The following WWC2 variants were observed in gnomAD, a reference collection of about 807,000 sequenced individuals.
WWC2 encodes protein WWC2.
Under a neutral mutation model 138.5 loss-of-function variants are expected in WWC2, and 101 were observed. The observed-to-expected ratio is 0.73, with a 90% CI of 0.62 to 0.86. The LOEUF is 0.86. Ranked by LOEUF, WWC2 falls within the 40% of genes least tolerant of loss-of-function variation. The pLI is 0.00. For missense variants in WWC2, 1,420 were observed against 1,419.4 expected (o/e 1.00, Z -0.01); for synonymous variants, 558 against 538.4 (o/e 1.04, Z -0.50).
intron 21 of WWC2, among the ~76,000 whole-genome samples, chr4:183,307,593 G>T (rs763686627): frequency 6.6e-5 from 10 of 152,156 alleles, no homozygotes; most frequent in Non-Finnish European, 1.3e-4. Flanking sequence ...TATATACCAT[G>T]ACCAAGGGAG....
Position 183,265,126 on chromosome 4 carries a change from C to T in WWC2, c.2039+19C>T, listed in dbSNP as rs768905136. ...TGAAACAGTAAGGATTCAGCAGGGG[C>T]GCTTTTAGCTCCAGCGAATCTCCAT... On this transcript the variant is annotated intron_variant, in intron 12 of 22. Transcript: ENST00000403733. 3.0e-5 allele frequency: 47 copies of T among 1,588,276 alleles called. No homozygotes were observed. Among genetic ancestry groups the T allele is most frequent in the East Asian group, 1.6e-4 (7 of 44,414 alleles).
intron 1 of WWC2, among the ~76,000 whole-genome samples, chr4:183,184,736 T>G (rs2111191519): frequency 6.6e-6 from 1 of 152,314 alleles, no homozygotes; most frequent in East Asian, 1.9e-4. Flanking sequence ...TAATAACTAA[T>G]GATGTTGAGT....
intron 9 of WWC2, among the ~76,000 whole-genome samples, chr4:183,256,265 T>A (rs1737136685): frequency 6.6e-6 from 1 of 152,226 alleles, no homozygotes; most frequent in Non-Finnish European, 1.5e-5. Flanking sequence ...TTGATCAGCT[T>A]AAAGCTTTCT....
At chr4:183,262,635 T>C (rs1402341851) in intron 11 of WWC2, among the ~76,000 whole-genome samples, 3 of 152,162 alleles carry the variant, frequency 2.0e-5, no homozygotes, top group Non-Finnish European at 4.4e-5. Flanking sequence ...CCTGGGGAGA[T>C]GTCAAAGCTA....
intron 1 of WWC2, among the ~76,000 whole-genome samples, chr4:183,185,890 AGT>A (rs1734781370): frequency 1.3e-5 from 2 of 151,976 alleles, no homozygotes; most frequent in South Asian, 4.2e-4. Flanking sequence ...ACATTCAGTA[AGT>A]GTTTTATATT....
chr4:183,240,560 T>C (rs78198202), intron 5 of WWC2: 2,775 of 222,528 alleles, frequency 0.012, 86 homozygotes, highest in African/African-American at 0.06. Flanking sequence ...TCCTCTGAGA[T>C]TGTGGTACAG....
chr4:183,223,659 G>A, intron 4 of WWC2, among the ~76,000 whole-genome samples: 1 of 152,022 alleles, frequency 6.6e-6, no homozygotes. Context: ...GTGTAAATAT[G>A]GTCTATATAT....
chr4:183,227,371 C>G (rs116054616), intron 4 of WWC2, among the ~76,000 whole-genome samples: 2,100 of 152,108 alleles, frequency 0.014, 19 homozygotes, highest in Non-Finnish European at 0.021. Context: ...AATACACCTT[C>G]AACTAGTGCT....
chr4:183,294,145 A>G (rs184791724), intron 21 of WWC2, among the ~76,000 whole-genome samples: 4 of 152,286 alleles, frequency 2.6e-5, no homozygotes, highest in East Asian at 1.9e-4. Flanking sequence ...TTGCATTCCA[A>G]TAAAACTTTA....
chr4:183,111,475 C>G (rs1199685274), intron 1 of WWC2, among the ~76,000 whole-genome samples: 1 of 152,084 alleles, frequency 6.6e-6, no homozygotes, highest in Non-Finnish European at 1.5e-5. Flanking sequence ...AATAGAGATA[C>G]ATTAGAATTC....
chr4:183,269,164 G>A lies in WWC2; in HGVS notation c.2400+1G>A. ...TAAACACCGAAGGGAAGAATGCCTG[G>A]TAGGATTCTTCATAATTCCCATTAC... On this transcript the variant is annotated splice_donor_variant, in intron 15 of 22. Transcript: ENST00000403733. LOFTEE classifies it high-confidence loss of function. 1.9e-6 allele frequency: 3 copies of A among 1,604,298 alleles called. No individual in the cohort carries two copies. The highest frequency in any genetic ancestry group is 2.5e-6 in the Non-Finnish European group (3 of 1,176,914).
At chr4:183,289,779 G>A in intron 21 of WWC2, 144 bp downstream of exon 21, 1 of 1,204,702 alleles carries the variant, frequency 8.3e-7, no homozygotes, top group Non-Finnish European at 1.1e-6. Flanking sequence ...TTTTCCCACT[G>A]TTATAGGCCC....
chr4:183,303,181 T>C (rs1738914524), intron 21 of WWC2, among the ~76,000 whole-genome samples: 1 of 152,200 alleles, frequency 6.6e-6, no homozygotes, highest in African/African-American at 2.4e-5. Context: ...AATGGATATG[T>C]ATTATATAAT....
At chr4:183,311,026 T>C (rs890943874) in intron 21 of WWC2, among the ~76,000 whole-genome samples, 10 of 152,156 alleles carry the variant, frequency 6.6e-5, no homozygotes, top group African/African-American at 2.4e-4. Flanking sequence ...CTTGCCCAGA[T>C]TTACATCGCT....
chr4:183,183,244 GT>G (rs1445929372), intron 1 of WWC2, among the ~76,000 whole-genome samples: 3 of 152,122 alleles, frequency 2.0e-5, no homozygotes, highest in Non-Finnish European at 4.4e-5. Flanking sequence ...ATAGGTAAAC[GT>G]GTGCCATGAT....
chr4:183,264,516 G>C (rs1410033968), intron 11 of WWC2, among the ~76,000 whole-genome samples: 3 of 152,178 alleles, frequency 2.0e-5, no homozygotes, highest in African/African-American at 7.2e-5. Flanking sequence ...TAGAATAGTA[G>C]CACAGGAGAT....
chr4:183,140,526 G>A (rs1000313257), intron 1 of WWC2, among the ~76,000 whole-genome samples: 1 of 152,168 alleles, frequency 6.6e-6, no homozygotes, highest in Admixed American at 6.5e-5. Flanking sequence ...AAGCAGATTT[G>A]CCCTTGTGTT....
chr4:183,301,487 T>TG (rs1360599221), intron 21 of WWC2, among the ~76,000 whole-genome samples: 2 of 152,180 alleles, frequency 1.3e-5, no homozygotes, highest in East Asian at 3.8e-4. Context: ...CACTGTGTGA[T>TG]GAAAAAAAAT....
intron 16 of WWC2, among the ~76,000 whole-genome samples, chr4:183,277,548 A>T (rs1482126213): frequency 6.7e-6 from 1 of 148,482 alleles, no homozygotes; most frequent in African/African-American, 2.5e-5. Flanking sequence ...TCCCTGAGGA[A>T]TCACCACACT....
Sources: gnomAD v4.1 joint callset for allele counts (sites outside exome capture counted in the v4.1 genomes callset) on GRCh38, gnomAD v4.1.1 for gene constraint, MANE v1.5 for transcripts, NCBI Gene and HGNC (gene_info 2026-07-23, HGNC 2026-07-21) for gene names.